Variants in SLX4 observed in about 807,000 individuals in gnomAD.
SLX4 encodes the protein structure-specific endonuclease subunit SLX4.
Under a neutral mutation model 146.2 loss-of-function variants are expected in SLX4, and 112 were observed. The observed-to-expected ratio is 0.77, with a 90% CI of 0.66 to 0.90. The LOEUF is 0.90. SLX4 is among the 40% of genes least tolerant of loss of function. SLX4 has a pLI of 0.00. For synonymous variants in SLX4, 1,061 were observed against 997.7 expected (o/e 1.06, Z -1.20); for missense variants, 2,563 against 2,392.7 (o/e 1.07, Z -1.49).
At chr16:3,599,526 A>G (rs967830023) in intron 5 of SLX4, among the ~76,000 whole-genome samples, 2 of 152,258 alleles carry the variant, frequency 1.3e-5, no homozygotes, top group Non-Finnish European at 2.9e-5. Flanking sequence ...TTTAAGCATT[A>G]ATTCATGCAA....
chr16:3,594,486 CA>C lies in SLX4; in HGVS notation c.2126del (p.Val709GlyfsTer13), dbSNP rs1262024396. 1 of 1,614,026 alleles carries C rather than the reference CA, an allele frequency of 6.2e-7. No homozygotes were observed. Among genetic ancestry groups the C allele is most frequent in the East Asian group, 2.2e-5 (1 of 44,876 alleles). On this transcript the variant is annotated frameshift_variant, in exon 10 of 15. Transcript: ENST00000294008. LOFTEE classifies it high-confidence loss of function. ...TGAGGAGCGGGCATCGGGCATAAAG[CA>C]CGAACTTGTGGGCGTAAAGCACCTC... is the stretch of plus-strand genomic sequence containing the variant. The part of the protein sequence containing the change: ...SGEVLYAHKF[V>X]LYARCPLLIQ...
In SLX4 at chr16:3,602,321, C is replaced by T. The variant is rs1226913091; in HGVS notation, c.761-14G>A. 4.3e-6 allele frequency: 7 copies of T among 1,613,118 alleles called. No homozygotes were observed. The highest frequency in any genetic ancestry group is 5.9e-6 in the Non-Finnish European group (7 of 1,180,018). On this transcript the variant is annotated splice_polypyrimidine_tract_variant and intron_variant, in intron 3 of 14. Coordinates refer to ENST00000294008, the MANE Select transcript of SLX4 (RefSeq NM_032444.4). ...CAAGCCCATACACTGTGGAGAAGCA[C>T]CAAAGATCCGTGAGAATAAACTCCA...
intron 10 of SLX4, 107 bp downstream of exon 10, chr16:3,594,346 G>A (rs780762975): frequency 6.4e-6 from 9 of 1,414,224 alleles, no homozygotes; most frequent in South Asian, 6.2e-5. Flanking sequence ...GAGGGAGAGT[G>A]GGGGGGTGGA....
chr16:3,590,711 T>C lies in SLX4; in HGVS notation c.2927A>G (p.His976Arg), dbSNP rs141294497. The C allele has an allele frequency of 1.2e-6, 2 of 1,614,162 alleles. No individual in the cohort carries two copies. Among genetic ancestry groups the C allele is most frequent in the Non-Finnish European group, 1.7e-6 (2 of 1,180,044 alleles). Residue 976 changes from histidine to arginine, a missense_variant, in exon 12 of 15, where the codon CAC becomes CGC. Coordinates refer to ENST00000294008, the MANE Select transcript of SLX4 (RefSeq NM_032444.4). The surrounding 1 kb of genome is among the most constrained non-coding windows in gnomAD (Gnocchi z 4.8). Reference sequence around the variant, plus strand: ...TTCGTAATCCCCGGCATCATCTGAGTGCGGAAGAGAGCCTTCTTTTCTCTC... The same window carrying C: ...TTCGTAATCCCCGGCATCATCTGAGCGCGGAAGAGAGCCTTCTTTTCTCTC... Reference protein sequence around the residue: ...QAERKEGSLPHSDDAGDYEQL... With the variant: ...QAERKEGSLPRSDDAGDYEQL...
intron 14 of SLX4, 83 bp from the exon 15 acceptor site, chr16:3,582,776 T>G: frequency 7.8e-7 from 1 of 1,279,252 alleles, no homozygotes; most frequent in African/African-American, 1.5e-5. Flanking sequence ...GGAAGGAAGG[T>G]GTCTACGGGT....
Position 3,589,978 on chromosome 16 carries a change from C to T in SLX4, c.3660G>A (p.Gly1220=), listed in dbSNP as rs776552045. 5 of 1,613,926 alleles carry T rather than the reference C, an allele frequency of 3.1e-6. No individual in the cohort carries two copies. Among genetic ancestry groups the T allele is most frequent in the Non-Finnish European group, 4.2e-6 (5 of 1,180,032 alleles). ...SEAVLQQEDE[G]ALPENRGSLG... is the part of the protein sequence containing the mutation. ...AAGAGCCCCGATTCTCCGGCAGCGC[C>T]CCCTCATCCTCCTGCTGCAGCACAG... Residue 1220 remains glycine, a synonymous_variant, in exon 12 of 15, where the codon GGG becomes GGA. Transcript: ENST00000294008. This position sits in a 1 kb window ranked among gnomAD's most constrained non-coding sequence, Gnocchi z 6.2.
intron 12 of SLX4, among the ~76,000 whole-genome samples, chr16:3,586,473 A>T (rs1006266194): frequency 6.6e-6 from 1 of 151,984 alleles, no homozygotes; most frequent in African/African-American, 2.4e-5. Flanking sequence ...ATGAGCTGTA[A>T]TTGCGCCACT....
rs1302187682 is a variant in SLX4 at position 3,608,836 on chromosome 16, C to T, written c.129G>A (p.Met43Ile). Residue 43 changes from methionine (M) to isoleucine (I), a missense_variant, in exon 2 of 15, where the codon ATG (methionine) becomes ATA (isoleucine). Met to Ile is a conservative substitution (Grantham distance 10). Coordinates refer to ENST00000294008, the MANE Select transcript of SLX4 (RefSeq NM_032444.4). ...DQPESLKTGQ[M>I]MDESDEDFKE... Reference sequence around the variant, plus strand: ...TAAAGTCCTCATCAGACTCATCCATCATCTGACCAGTTTTAAGGCTTTCAG... The same window carrying T: ...TAAAGTCCTCATCAGACTCATCCATTATCTGACCAGTTTTAAGGCTTTCAG... The T allele has an allele frequency of 1.2e-6, 2 of 1,614,166 alleles. No individual in the cohort carries two copies. Among genetic ancestry groups the T allele is most frequent in the South Asian group, 2.2e-5 (2 of 91,080 alleles).
intron 12 of SLX4, among the ~76,000 whole-genome samples, chr16:3,586,357 A>C (rs1369368735): frequency 2.7e-5 from 4 of 148,990 alleles, no homozygotes; most frequent in Non-Finnish European, 6.1e-5. Context: ...CCCAGTCTCT[A>C]CTAAAAAAAA....
At chr16:3,602,094 G>A in intron 4 of SLX4, 24 bp downstream of exon 4, 1 of 1,613,934 alleles carries the variant, frequency 6.2e-7, no homozygotes, top group Non-Finnish European at 8.5e-7. Context: ...ACACGGGAGA[G>A]GCGACGGCCC....
chr16:3,584,732 A>G, intron 13 of SLX4, 37 bp downstream of exon 13: 1 of 1,507,700 alleles, frequency 6.6e-7, no homozygotes, highest in Non-Finnish European at 9.2e-7. Context: ...GGGAGGGAAA[A>G]GACCACTGTG....
chr16:3,610,740 A>C (rs2040852505), intron 1 of SLX4, among the ~76,000 whole-genome samples: 1 of 152,184 alleles, frequency 6.6e-6, no homozygotes. Flanking sequence ...ATTACTTTGC[A>C]ACCTCTTTGG....
chr16:3,584,982 T>A (rs929191787), intron 12 of SLX4, 111 bp from the exon 13 acceptor site: 2 of 860,878 alleles, frequency 2.3e-6, no homozygotes, highest in Admixed American at 1.8e-5. Flanking sequence ...AACCCAAGCA[T>A]CGTTTTGCTC....
Position 3,589,018 on chromosome 16 carries a change from T to G in SLX4, c.4620A>C (p.Glu1540Asp), listed in dbSNP as rs1164904532. The change falls in exon 12 of 15, where the codon GAA becomes GAC. Residue 1540 changes from glutamate to aspartate, a missense_variant. By Grantham distance (45) the Glu-to-Asp change is conservative. Coordinates refer to ENST00000294008, the MANE Select transcript of SLX4 (RefSeq NM_032444.4). The surrounding 1 kb of genome is among the most constrained non-coding windows in gnomAD (Gnocchi z 6.2). ...MPSAGGAQKP[E>D]GLETPKGANR... is the part of the protein sequence containing the mutation. ...GCTACTCACTGGGTGTCTCTAACCC[T>G]TCGGGCTTCTGAGCTCCACCAGCGC... 1.9e-6 allele frequency: 3 copies of G among 1,614,086 alleles called. No homozygotes were observed. The highest frequency in any genetic ancestry group is 8.5e-7 in the Non-Finnish European group (1 of 1,180,022).
At chr16:3,594,424 G>A in intron 10 of SLX4, 29 bp downstream of exon 10, 1 of 1,602,086 alleles carries the variant, frequency 6.2e-7, no homozygotes, top group East Asian at 2.3e-5. Flanking sequence ...AGAGAGGAAA[G>A]GAGGGCACAC....
In SLX4 at chr16:3,594,486, C is replaced by T; in HGVS notation, c.2127G>A (p.Val709=). Residue 709 remains valine (V), a synonymous_variant, in exon 10 of 15, where the codon GTG becomes GTA. Transcript: ENST00000294008. ...SGEVLYAHKF[V]LYARCPLLIQ... Reference sequence around the variant, plus strand: ...TGAGGAGCGGGCATCGGGCATAAAGCACGAACTTGTGGGCGTAAAGCACCT... The same window carrying T: ...TGAGGAGCGGGCATCGGGCATAAAGTACGAACTTGTGGGCGTAAAGCACCT... 6.2e-7 allele frequency: 1 copy of T among 1,614,026 alleles called. No individual in the cohort carries two copies. The highest frequency in any genetic ancestry group is 1.1e-5 in the South Asian group (1 of 91,060).
intron 8 of SLX4, 53 bp downstream of exon 8, chr16:3,596,095 CGGGGA>C: frequency 6.5e-7 from 1 of 1,527,202 alleles, no homozygotes; most frequent in Non-Finnish European, 8.8e-7. Flanking sequence ...GCCTCAGCCG[CGGGGA>C]GGGGAGGCCC....
At position 3,602,135 on chromosome 16, in the gene SLX4, C is replaced by G. The variant is rs2040733952; in HGVS notation, c.933G>C (p.Arg311Ser). The G allele has an allele frequency of 6.2e-7, 1 of 1,614,030 alleles. No individual in the cohort carries two copies. Among genetic ancestry groups the G allele is most frequent in the South Asian group, 1.1e-5 (1 of 91,080 alleles). The change falls in exon 4 of 15, where the codon AGG becomes AGC. Residue 311 changes from arginine (R) to serine (S), a missense_variant. Transcript: ENST00000294008. ...GCCCCCACCTGTTCACATGCTGTTCCCTTCGGGTCACGTTCATGGCTGAGA... is the reference window on the plus strand; with the variant it reads ...GCCCCCACCTGTTCACATGCTGTTCGCTTCGGGTCACGTTCATGGCTGAGA... ...KNLSAMNVTR[R>S]EQHVNRCLDE...
rs776329769 is a variant in SLX4 at position 3,590,829 on chromosome 16, C to T, written c.2809G>A (p.Gly937Arg). Reference sequence around the variant, plus strand: ...TCAGGGGCCTCTGCTCCCCGTGCCCCTGAGTGCTGGCCCTGGGGTGGCGGG... The same window carrying T: ...TCAGGGGCCTCTGCTCCCCGTGCCCTTGAGTGCTGGCCCTGGGGTGGCGGG... ...ALPPPQGQHSGARGAEAPEQE... is the reference protein window; with the variant it reads ...ALPPPQGQHSRARGAEAPEQE... Residue 937 changes from glycine to arginine, a missense_variant, in exon 12 of 15, where the codon GGG becomes AGG. Gly to Arg is a moderately radical substitution (Grantham distance 125). Transcript: ENST00000294008. The surrounding 1 kb of genome is among the most constrained non-coding windows in gnomAD (Gnocchi z 4.8). 5.6e-6 allele frequency: 9 copies of T among 1,613,838 alleles called. No individual in the cohort carries two copies. The highest frequency in any genetic ancestry group is 1.7e-6 in the Non-Finnish European group (2 of 1,179,870).
Sources: gnomAD v4.1 joint callset for allele counts (sites outside exome capture counted in the v4.1 genomes callset) on GRCh38, gnomAD v4.1.1 for gene constraint, Gnocchi (gnomAD v3.1) non-coding constraint, MANE v1.5 for transcripts, NCBI Gene and HGNC (gene_info 2026-07-23, HGNC 2026-07-21) for gene names.